HEMK1: variants seen among roughly 807,000 people sequenced by gnomAD.
HEMK1 encodes the protein HemK methyltransferase 1, mitochondrial release factors N(5)-glutamine.
HEMK1 carries 36 observed loss-of-function variants against 47.9 expected under a neutral mutation model. That is an observed-to-expected ratio of 0.75 (90% confidence interval 0.58 to 0.99). The LOEUF (loss-of-function observed/expected upper bound fraction) is 0.99. Ranked by LOEUF, HEMK1 falls within the 50% of genes least tolerant of loss-of-function variation. The probability of loss-of-function intolerance (pLI) is 0.00; values close to 1 mark genes in which losing one functional copy is unlikely to be tolerated. For missense variants in HEMK1, 383 were observed against 434.5 expected (o/e 0.88, Z 1.05); for synonymous variants, 153 against 165.4 (o/e 0.93, Z 0.57).
rs192833117 is a variant in HEMK1, at chr3:50,580,908, C to G, written c.*491C>G. ...CTCCCAGGGATTGATTAGTCCTCCA[C>G]TGCCCTGGGTGCATGCGTACACAAT... On this transcript the variant is annotated 3_prime_UTR_variant, in exon 11 of 11. Transcript: ENST00000232854. The G allele has an allele frequency of 4.8e-4, 86 of 178,974 alleles. No individual in the cohort carries two copies. Among genetic ancestry groups the G allele is most frequent in the African/African-American group, 2.0e-3 (82 of 41,990 alleles). 11.1% of individuals were successfully genotyped at this position (178,974 alleles called of 1,614,324 possible).
rs1396960929 is a variant in HEMK1, at chr3:50,590,117, A to T, written c.*9700A>T. 1.3e-5 allele frequency: 2 copies of T among 149,738 alleles called. No individual in the cohort carries two copies. The highest frequency in any genetic ancestry group is 3.0e-5 in the Non-Finnish European group (2 of 67,226). The allele number at this position is 149,738 out of a possible 1,614,324, so 9.3% of individuals were successfully genotyped here. A position where few individuals can be genotyped will look rare whatever the true frequency, so the allele number is the denominator to read the frequency against. The stretch of plus-strand genomic sequence containing the variant: ...GGAGAATTGCTTGAACCCGGGAGGC[A>T]GAGATTGCAGTGAGCCAAGATCATG... On this transcript the variant is annotated 3_prime_UTR_variant, in exon 11 of 11. Coordinates refer to ENST00000232854, the MANE Select transcript of HEMK1 (RefSeq NM_016173.5).
In HEMK1 at chr3:50,584,096, A is replaced by T. The variant is rs1241100413; in HGVS notation, c.*3679A>T. 6.6e-6 allele frequency: 1 copy of T among 152,196 alleles called. No homozygotes were observed. Among genetic ancestry groups the T allele is most frequent in the Non-Finnish European group, 1.5e-5 (1 of 68,040 alleles). The allele number at this position is 152,196 out of a possible 1,614,324, so 9.4% of individuals were successfully genotyped here. ...CCCAGGCAGCCATTCAAGTTGAGCAATGGCCACTTCGAAGACTCAAGTGCA... is the reference window on the plus strand; with the variant it reads ...CCCAGGCAGCCATTCAAGTTGAGCATTGGCCACTTCGAAGACTCAAGTGCA... On this transcript the variant is annotated 3_prime_UTR_variant, in exon 11 of 11. Coordinates refer to ENST00000232854, the MANE Select transcript of HEMK1 (RefSeq NM_016173.5).
chr3:50,579,799 A>G, intron 8 of HEMK1, 45 bp from the exon 9 acceptor site: 1 of 1,416,700 alleles, frequency 7.1e-7, no homozygotes, highest in Non-Finnish European at 9.9e-7. Context: ...TGCATTTCAG[A>G]TACCCCTTTC....
At position 50,583,275 on chromosome 3, in the gene HEMK1, A is replaced by G. The variant is rs2031025559; in HGVS notation, c.*2858A>G. On this transcript the variant is annotated 3_prime_UTR_variant, in exon 11 of 11. Transcript: ENST00000232854. ...GGTCTCATACAGCTGCCTTATTGAA[A>G]TAGGCCCCGAACCCCCTAAATGCAA... 1 of 152,206 alleles carries G rather than the reference A, an allele frequency of 6.6e-6. No individual in the cohort carries two copies. The highest frequency in any genetic ancestry group is 6.5e-5 in the Admixed American group (1 of 15,286). The allele number at this position is 152,206 out of a possible 1,614,324, so 9.4% of individuals were successfully genotyped here. A position where few individuals can be genotyped will look rare whatever the true frequency, so the allele number is the denominator to read the frequency against.
chr3:50,589,166 A>G lies in HEMK1; in HGVS notation c.*8749A>G, dbSNP rs1279200414. On this transcript the variant is annotated 3_prime_UTR_variant, in exon 11 of 11. Transcript: ENST00000232854. The stretch of plus-strand genomic sequence containing the variant: ...GTAGTTGTAGTCTTATGTTGGTCTC[A>G]ATGTCCATTTTCTTTCAGTGTTTGA... 1 of 152,250 alleles carries G rather than the reference A, an allele frequency of 6.6e-6. No individual in the cohort carries two copies. The highest frequency in any genetic ancestry group is 2.4e-5 in the African/African-American group (1 of 41,468). The allele number at this position is 152,250 out of a possible 1,614,324, so 9.4% of individuals were successfully genotyped here.
At position 50,594,611 on chromosome 3, in the gene HEMK1, A is replaced by T. The variant is rs1489615444; in HGVS notation, c.*14194A>T. ...GGTGAGCTGAGGTTTTCTCTGCTGCAGAGGCCAGGTGGGTAAGTAACCAAA... is the reference window on the plus strand; with the variant it reads ...GGTGAGCTGAGGTTTTCTCTGCTGCTGAGGCCAGGTGGGTAAGTAACCAAA... On this transcript the variant is annotated 3_prime_UTR_variant, in exon 11 of 11. Transcript: ENST00000232854. 1 of 152,396 alleles carries T rather than the reference A, an allele frequency of 6.6e-6. No individual in the cohort carries two copies. The highest frequency in any genetic ancestry group is 2.4e-5 in the African/African-American group (1 of 41,474). The allele number at this position is 152,396 out of a possible 1,614,324, so 9.4% of individuals were successfully genotyped here.
At chr3:50,576,659 T>C (rs890520884) in intron 4 of HEMK1, among the ~76,000 whole-genome samples, 9 of 152,212 alleles carry the variant, frequency 5.9e-5, no homozygotes, top group African/African-American at 2.2e-4. Flanking sequence ...TCTGTCCACC[T>C]TAGCCTCACA....
chr3:50,578,713 C>A, intron 7 of HEMK1, 108 bp from the exon 8 acceptor site: 1 of 715,484 alleles, frequency 1.4e-6, no homozygotes. Context: ...GATCCAGAGG[C>A]AGGCCCAAGG....
At chr3:50,577,330 G>A in intron 5 of HEMK1, 144 bp downstream of exon 5, 1 of 1,168,488 alleles carries the variant, frequency 8.6e-7, no homozygotes, top group Non-Finnish European at 1.2e-6. Context: ...AGCCCACTGT[G>A]GTTCACAGAC....
chr3:50,590,152 T>C lies in HEMK1; in HGVS notation c.*9735T>C, dbSNP rs543966879. On this transcript the variant is annotated 3_prime_UTR_variant, in exon 11 of 11. Coordinates refer to ENST00000232854, the MANE Select transcript of HEMK1 (RefSeq NM_016173.5). Reference sequence around the variant, plus strand: ...GTGAGCCAAGATCATGCCACTGCACTCCAGCCTGGGCGACAGAGCTAGACT... The same window carrying C: ...GTGAGCCAAGATCATGCCACTGCACCCCAGCCTGGGCGACAGAGCTAGACT... 6.6e-6 allele frequency: 1 copy of C among 150,902 alleles called. No individual in the cohort carries two copies. Among genetic ancestry groups the C allele is most frequent in the South Asian group, 2.1e-4 (1 of 4,762 alleles). 9.3% of individuals were successfully genotyped at this position (150,902 alleles called of 1,614,324 possible). A position where few individuals can be genotyped will look rare whatever the true frequency, so the allele number is the denominator to read the frequency against.
At chr3:50,577,023 A>T (rs1701664982) in intron 4 of HEMK1, 29 bp from the exon 5 acceptor site, 1 of 1,612,776 alleles carries the variant, frequency 6.2e-7, no homozygotes, top group South Asian at 1.1e-5. Flanking sequence ...GTTGGCACCG[A>T]CTCTGATCCA....
Position 50,572,115 on chromosome 3 carries a change from G to A in HEMK1, c.321G>A (p.Arg107=), listed in dbSNP as rs1176701577. The change falls in exon 4 of 11, where the codon AGG becomes AGA. Residue 107 remains arginine (R), a splice_region_variant and synonymous_variant. Coordinates refer to ENST00000232854, the MANE Select transcript of HEMK1 (RefSeq NM_016173.5). The stretch of plus-strand genomic sequence containing the variant: ...GACCACCCAGCTGCCCCCTCTGCAG[G>A]ATGCCGGTGCAGTACATCCTTGGAG... ...IRELSSRRLQ[R]MPVQYILGEW... is the part of the protein sequence containing the mutation. 2 of 1,613,956 alleles carry A rather than the reference G, an allele frequency of 1.2e-6. No homozygotes were observed. The highest frequency in any genetic ancestry group is 1.7e-6 in the Non-Finnish European group (2 of 1,179,966).
At position 50,591,698 on chromosome 3, in the gene HEMK1, T is replaced by TGTGTGTGTGTGTGTGTGTGTGTG. The variant is rs1198751147; in HGVS notation, c.*11281_*11282insGTGTGTGTGTGTGTGTGTGTGTG. The TGTGTGTGTGTGTGTGTGTGTGTG allele has an allele frequency of 4.0e-5, 3 of 74,694 alleles. No homozygotes were observed. Among genetic ancestry groups the TGTGTGTGTGTGTGTGTGTGTGTG allele is most frequent in the Admixed American group, 1.4e-4 (1 of 6,950 alleles). 4.6% of individuals were successfully genotyped at this position (74,694 alleles called of 1,614,324 possible). A position where few individuals can be genotyped will look rare whatever the true frequency, so the allele number is the denominator to read the frequency against. ...TGTGTGTGTGTGTGTGTGTGTGTGT[T>TGTGTGTGTGTGTGTGTGTGTGTG]TGTGTGTGTGTGGTGTTACTCTGCC... On this transcript the variant is annotated 3_prime_UTR_variant, in exon 11 of 11. Coordinates refer to ENST00000232854, the MANE Select transcript of HEMK1 (RefSeq NM_016173.5).
At position 50,583,137 on chromosome 3, in the gene HEMK1, C is replaced by G. The variant is rs2031011797; in HGVS notation, c.*2720C>G. Reference sequence around the variant, plus strand: ...AGCATAGACAGGAGTGTAGGAGTCCCTGTTTGATGTACTCTGGGAGAGTAA... The same window carrying G: ...AGCATAGACAGGAGTGTAGGAGTCCGTGTTTGATGTACTCTGGGAGAGTAA... On this transcript the variant is annotated 3_prime_UTR_variant, in exon 11 of 11. Transcript: ENST00000232854. 6.6e-6 allele frequency: 1 copy of G among 152,228 alleles called. No homozygotes were observed. Among genetic ancestry groups the G allele is most frequent in the African/African-American group, 2.4e-5 (1 of 41,448 alleles). The allele number at this position is 152,228 out of a possible 1,614,324, so 9.4% of individuals were successfully genotyped here.
chr3:50,589,749 T>C lies in HEMK1; in HGVS notation c.*9332T>C, dbSNP rs1274819361. 1 of 150,484 alleles carries C rather than the reference T, an allele frequency of 6.6e-6. No homozygotes were observed. The highest frequency in any genetic ancestry group is 2.5e-5 in the African/African-American group (1 of 40,612). The allele number at this position is 150,484 out of a possible 1,614,324, so 9.3% of individuals were successfully genotyped here. On this transcript the variant is annotated 3_prime_UTR_variant, in exon 11 of 11. Transcript: ENST00000232854. ...CCGTCTGTACTAAAAATACAAAAAT[T>C]AGCCGGGTGTGGTGGCTCACGCCTG...
chr3:50,590,760 T>G lies in HEMK1; in HGVS notation c.*10343T>G, dbSNP rs2031680671. On this transcript the variant is annotated 3_prime_UTR_variant, in exon 11 of 11. Transcript: ENST00000232854. The stretch of plus-strand genomic sequence containing the variant: ...GGGCCACATGCTCCTGAAAGGTCCT[T>G]GGGAGCCCCACCAGGCTCCAGTGTG... 6.6e-6 allele frequency: 1 copy of G among 152,164 alleles called. No individual in the cohort carries two copies. Among genetic ancestry groups the G allele is most frequent in the East Asian group, 1.9e-4 (1 of 5,176 alleles). 9.4% of individuals were successfully genotyped at this position (152,164 alleles called of 1,614,324 possible).
intron 4 of HEMK1, among the ~76,000 whole-genome samples, chr3:50,573,966 G>A (rs1701295295): frequency 6.6e-6 from 1 of 152,218 alleles, no homozygotes; most frequent in Non-Finnish European, 1.5e-5. Flanking sequence ...TGTTTTGTCT[G>A]TGATTGGCTT....
intron 6 of HEMK1, 114 bp from the exon 7 acceptor site, chr3:50,577,712 T>A: frequency 7.5e-7 from 1 of 1,337,920 alleles, no homozygotes; most frequent in Non-Finnish European, 1.1e-6. Flanking sequence ...TCTGAATGGG[T>A]AGTGGGCAGT....
chr3:50,580,198 C>T lies in HEMK1; in HGVS notation c.949C>T (p.Leu317Phe), dbSNP rs201118578. ...LQSRPDLYLN[L>F]VAVRRDFCGR... ...GAGCCGGCCTGACCTGTACCTTAAT[C>T]TTGTGGCTGTGCGCAGGGACTTCTG... The change falls in exon 10 of 11, where the codon CTT becomes TTT. Residue 317 changes from leucine to phenylalanine, a missense_variant. Coordinates refer to ENST00000232854, the MANE Select transcript of HEMK1 (RefSeq NM_016173.5). 2 of 1,614,188 alleles carry T rather than the reference C, an allele frequency of 1.2e-6. No homozygotes were observed. Among genetic ancestry groups the T allele is most frequent in the East Asian group, 2.2e-5 (1 of 44,888 alleles).
Sources: allele counts gnomAD v4.1 joint callset (sites outside exome capture counted in the v4.1 genomes callset), GRCh38; gene constraint gnomAD v4.1.1; transcripts MANE v1.5; gene names NCBI Gene and HGNC (gene_info 2026-07-23, HGNC 2026-07-21).